Variants in SMURF2 observed in about 807,000 individuals in gnomAD.
SMURF2 encodes the protein E3 ubiquitin-protein ligase SMURF2.
In SMURF2, 48 loss-of-function variants were observed where a neutral mutation model predicts 109.6. That is an observed-to-expected ratio of 0.44 (90% confidence interval 0.35 to 0.56). The LOEUF is 0.56. SMURF2 is among the 20% of genes least tolerant of loss of function. The probability of loss-of-function intolerance (pLI) is 0.01; values close to 1 mark genes in which losing one functional copy is unlikely to be tolerated. For missense variants in SMURF2, 575 were observed against 909.0 expected, an observed-to-expected ratio of 0.63 and a Z score of 4.72; for synonymous variants, 288 against 317.1, an observed-to-expected ratio of 0.91 and a Z score of 0.97.
At position 64,545,292 on chromosome 17, in the gene SMURF2, C is replaced by A. The variant is rs1290164268; in HGVS notation, c.*556G>T. On this transcript the variant is annotated 3_prime_UTR_variant, in exon 19 of 19. Transcript: ENST00000262435. ...AATATAATGCTCTGCTATAGAAAAA[C>A]ACAAACATGTAAATGGCTTAATTTC... 2 of 152,566 alleles carry A rather than the reference C, an allele frequency of 1.3e-5. No individual in the cohort carries two copies. The highest frequency in any genetic ancestry group is 2.9e-5 in the Non-Finnish European group (2 of 68,024). The allele number at this position is 152,566 out of a possible 1,614,324, so 9.5% of individuals were successfully genotyped here. A position where few individuals can be genotyped will look rare whatever the true frequency, so the allele number is the denominator to read the frequency against.
intron 2 of SMURF2, among the ~76,000 whole-genome samples, chr17:64,605,695 C>T (rs1308099736): frequency 6.9e-6 from 1 of 144,362 alleles, no homozygotes; most frequent in African/African-American, 2.6e-5. Context: ...TATGACTGTG[C>T]CACTCTACTA....
intron 15 of SMURF2, among the ~76,000 whole-genome samples, chr17:64,552,188 A>C (rs1420275982): frequency 1.3e-5 from 2 of 152,246 alleles, no homozygotes; most frequent in Non-Finnish European, 2.9e-5. Flanking sequence ...AATGAGAAGA[A>C]TAAATAGTAA....
At chr17:64,641,727 C>G (rs1463466280) in intron 1 of SMURF2, among the ~76,000 whole-genome samples, 5 of 152,128 alleles carry the variant, frequency 3.3e-5, no homozygotes, top group African/African-American at 1.2e-4. Context: ...CCCAGCAATT[C>G]CAGTTCCAGC....
intron 2 of SMURF2, among the ~76,000 whole-genome samples, chr17:64,602,507 A>G (rs1969911600): frequency 6.6e-6 from 1 of 152,202 alleles, no homozygotes; most frequent in Non-Finnish European, 1.5e-5. Context: ...TAACCTGATT[A>G]TATTATTCTC....
chr17:64,653,460 GA>G (rs201547882), intron 1 of SMURF2, among the ~76,000 whole-genome samples: 59 of 80,432 alleles, frequency 7.3e-4, no homozygotes, highest in Admixed American at 2.6e-3. Context: ...GTACAACTTT[GA>G]AAAAAAAAAA....
At chr17:64,641,302 A>G (rs1358717231) in intron 1 of SMURF2, among the ~76,000 whole-genome samples, 2 of 152,144 alleles carry the variant, frequency 1.3e-5, no homozygotes, top group Non-Finnish European at 2.9e-5. Flanking sequence ...TAAAAGCTGA[A>G]AATTTTTATC....
At chr17:64,579,103 G>T (rs1969541211) in intron 8 of SMURF2, among the ~76,000 whole-genome samples, 1 of 152,168 alleles carries the variant, frequency 6.6e-6, no homozygotes, top group Non-Finnish European at 1.5e-5. Context: ...GACATTCTAT[G>T]TCATAAACAG....
intron 4 of SMURF2, among the ~76,000 whole-genome samples, chr17:64,591,433 A>G (rs550965307): frequency 1.3e-5 from 2 of 152,302 alleles, no homozygotes; most frequent in Middle Eastern, 3.4e-3. Context: ...GTGAATCCTC[A>G]TATTTTTTTG....
chr17:64,649,679 C>T (rs1226687300), intron 1 of SMURF2, among the ~76,000 whole-genome samples: 1 of 151,874 alleles, frequency 6.6e-6, no homozygotes, highest in Non-Finnish European at 1.5e-5. Context: ...CCTGTCTCTA[C>T]TAAAAATACA....
At chr17:64,566,567 T>TG (rs1969309781) in intron 10 of SMURF2, among the ~76,000 whole-genome samples, 2 of 76,876 alleles carry the variant, frequency 2.6e-5, no homozygotes, top group African/African-American at 8.4e-5. Flanking sequence ...TCTGGTTTTT[T>TG]TTTTTTTTTT....
intron 1 of SMURF2, among the ~76,000 whole-genome samples, chr17:64,643,568 A>G (rs1346946014): frequency 6.6e-6 from 1 of 152,086 alleles, no homozygotes; most frequent in Non-Finnish European, 1.5e-5. Flanking sequence ...GACTCCCACA[A>G]CTACTCTCTC....
chr17:64,587,294 T>C (rs782013264), intron 5 of SMURF2, among the ~76,000 whole-genome samples: 7 of 152,208 alleles, frequency 4.6e-5, no homozygotes, highest in African/African-American at 9.7e-5. Context: ...GACACCATTA[T>C]CCAGTGTAGT....
rs1969402524 is a variant in SMURF2, at chr17:64,571,799, T to G, written c.1015A>C (p.Asn339His). The change falls in exon 10 of 19, where the codon AAT becomes CAT. Residue 339 changes from asparagine (N) to histidine (H), a missense_variant and splice_region_variant. Coordinates refer to ENST00000262435, the MANE Select transcript of SMURF2 (RefSeq NM_022739.4). ...ACATGTATTGTTTCAAAAACTTACTTTAAAACTAAATGCAAGTTAGCAGAC... is the reference window on the plus strand; with the variant it reads ...ACATGTATTGTTTCAAAAACTTACTGTAAAACTAAATGCAAGTTAGCAGAC... Reference protein sequence around the residue: ...RLSANLHLVLNRQNQLKDQQQ... With the variant: ...RLSANLHLVLHRQNQLKDQQQ... 1.9e-6 allele frequency: 3 copies of G among 1,605,982 alleles called. No individual in the cohort carries two copies. In the Admixed American group the frequency reaches 5.1e-5, roughly 27 times the overall value.
rs145033980 is a variant in SMURF2, at chr17:64,565,676, C to T, written c.1017-2710G>A. 4.7e-3 allele frequency among the ~76,000 whole-genome samples: 714 copies of T among 151,824 alleles called. 1 individual carries two copies. The highest frequency in any genetic ancestry group is 0.016 in the African/African-American group (681 of 41,420). On this transcript the variant is annotated intron_variant, in intron 10 of 18. Coordinates refer to ENST00000262435, the MANE Select transcript of SMURF2 (RefSeq NM_022739.4). ...AATCCCAGCTCTAGCACCTTTTATG[C>T]ACCTCTGGACAAGTTCTGTAACTGC...
At chr17:64,602,012 A>G (rs1311074888) in intron 2 of SMURF2, among the ~76,000 whole-genome samples, 2 of 151,888 alleles carry the variant, frequency 1.3e-5, no homozygotes, top group African/African-American at 4.8e-5. Flanking sequence ...CAGCCATTAA[A>G]AAGAAATAAT....
chr17:64,587,583 CACA>C, intron 5 of SMURF2, among the ~76,000 whole-genome samples: 1 of 152,240 alleles, frequency 6.6e-6, no homozygotes, highest in East Asian at 1.9e-4. Flanking sequence ...AATAGGTCAG[CACA>C]ACAAGTATTA....
intron 1 of SMURF2, among the ~76,000 whole-genome samples, chr17:64,619,401 C>A (rs1970169666): frequency 6.7e-6 from 1 of 148,212 alleles, no homozygotes; most frequent in Non-Finnish European, 1.5e-5. Flanking sequence ...TCGCCTGAAC[C>A]CGGGAGGCAG....
At chr17:64,561,922 C>T (rs1281098956) in intron 11 of SMURF2, among the ~76,000 whole-genome samples, 5 of 152,074 alleles carry the variant, frequency 3.3e-5, no homozygotes, top group Non-Finnish European at 2.9e-5. Context: ...ACTGCTTGAG[C>T]CCAGGAGTTC....
At chr17:64,655,650 G>A (rs970533308) in intron 1 of SMURF2, among the ~76,000 whole-genome samples, 1 of 151,918 alleles carries the variant, frequency 6.6e-6, no homozygotes, top group African/African-American at 2.4e-5. Context: ...AAATTGGGAG[G>A]CCAAGGTGGG....
Sources: gnomAD v4.1 joint callset for allele counts (sites outside exome capture counted in the v4.1 genomes callset) on GRCh38, gnomAD v4.1.1 for gene constraint, MANE v1.5 for transcripts, NCBI Gene and HGNC (gene_info 2026-07-23, HGNC 2026-07-21) for gene names.